HDAC9: variants seen among roughly 807,000 people sequenced by gnomAD.
HDAC9 encodes the protein histone deacetylase 9, also known as MEF-2 interacting transcription repressor (MITR) protein.
Under a neutral mutation model 139.4 loss-of-function variants are expected in HDAC9, and 41 were observed. The observed-to-expected ratio is 0.29, with a 90% CI of 0.23 to 0.38. The LOEUF (loss-of-function observed/expected upper bound fraction) is 0.38, where lower values mean the gene tolerates loss of function less well. Among genes scored for constraint, HDAC9 ranks in the 10% least tolerant of loss-of-function variants. The pLI is 1.00. For missense variants in HDAC9, 1,147 were observed against 1,297.0 expected, an observed-to-expected ratio of 0.88 and a Z score of 1.78; for synonymous variants, 517 against 476.2, an observed-to-expected ratio of 1.09 and a Z score of -1.12.
At chr7:18,294,119 G>A (rs1190424430) in intron 1 of HDAC9, among the ~76,000 whole-genome samples, 1 of 152,062 alleles carries the variant, frequency 6.6e-6, no homozygotes, top group African/African-American at 2.4e-5. Flanking sequence ...CACAGTTTGT[G>A]CCCTCAGAAA....
intron 1 of HDAC9, among the ~76,000 whole-genome samples, chr7:18,431,717 G>A (rs1023547934): frequency 2.0e-5 from 3 of 152,180 alleles, no homozygotes; most frequent in African/African-American, 7.2e-5. Flanking sequence ...ATTGATGAAT[G>A]AGGGACTTAT....
At chr7:18,263,590 G>T (rs1423121564) in intron 2 of HDAC9, among the ~76,000 whole-genome samples, 2 of 149,276 alleles carry the variant, frequency 1.3e-5, no homozygotes, top group Non-Finnish European at 3.0e-5. Context: ...TCAGAATCTT[G>T]CTTGGTAAGA....
chr7:18,962,934 G>A (rs549347173), intron 24 of HDAC9, among the ~76,000 whole-genome samples: 1 of 152,062 alleles, frequency 6.6e-6, no homozygotes, highest in South Asian at 2.1e-4. Flanking sequence ...TTTAATCCTG[G>A]TCTTACTGTG....
intron 12 of HDAC9, among the ~76,000 whole-genome samples, chr7:18,707,460 A>G (rs1784015819): frequency 6.6e-6 from 1 of 152,206 alleles, no homozygotes; most frequent in Non-Finnish European, 1.5e-5. Context: ...ACAGTCTAAT[A>G]AAAAGGTATG....
At chr7:18,216,573 A>G (rs1372067173) in intron 2 of HDAC9, among the ~76,000 whole-genome samples, 6 of 152,170 alleles carry the variant, frequency 3.9e-5, no homozygotes, top group South Asian at 2.1e-4. Flanking sequence ...AGATGACTGC[A>G]TGTTATTTAG....
At chr7:18,523,128 G>A (rs996967756) in intron 2 of HDAC9, among the ~76,000 whole-genome samples, 2 of 152,170 alleles carry the variant, frequency 1.3e-5, no homozygotes. Flanking sequence ...TGTTGCCATG[G>A]CTGGAGATGA....
intron 1 of HDAC9, among the ~76,000 whole-genome samples, chr7:18,383,729 A>C (rs939393051): frequency 1.3e-5 from 2 of 151,892 alleles, no homozygotes; most frequent in Non-Finnish European, 2.9e-5. Context: ...AAAAAAAAAA[A>C]AATACAAAAA....
chr7:18,883,567 G>A (rs372492896), intron 22 of HDAC9, among the ~76,000 whole-genome samples: 7 of 151,990 alleles, frequency 4.6e-5, no homozygotes, highest in Admixed American at 1.3e-4. Context: ...ATATGATAAG[G>A]CTATAAATAC....
chr7:18,095,043 C>G (rs1254959517), intron 1 of HDAC9, among the ~76,000 whole-genome samples: 1 of 152,074 alleles, frequency 6.6e-6, no homozygotes, highest in Non-Finnish European at 1.5e-5. Context: ...TGAGTTTCTG[C>G]CTCTTGCAAT....
intron 8 of HDAC9, among the ~76,000 whole-genome samples, chr7:18,642,190 G>C (rs1431329537): frequency 6.6e-6 from 1 of 152,066 alleles, no homozygotes; most frequent in Non-Finnish European, 1.5e-5. Flanking sequence ...AACCATCCTT[G>C]CTTCATCAAG....
intron 2 of HDAC9, among the ~76,000 whole-genome samples, chr7:18,183,390 G>C (rs1789658253): frequency 6.6e-6 from 1 of 152,158 alleles, no homozygotes; most frequent in Non-Finnish European, 1.5e-5. Flanking sequence ...TTTTCTACCT[G>C]TGCTTCAGAT....
At chr7:18,164,292 T>C (rs908731793) in intron 2 of HDAC9, among the ~76,000 whole-genome samples, 2 of 152,168 alleles carry the variant, frequency 1.3e-5, no homozygotes, top group Non-Finnish European at 2.9e-5. Flanking sequence ...AAAATGTTCC[T>C]GCCACAAACA....
chr7:18,234,690 C>T (rs558193579), intron 2 of HDAC9, among the ~76,000 whole-genome samples: 1 of 152,090 alleles, frequency 6.6e-6, no homozygotes, highest in Non-Finnish European at 1.5e-5. Flanking sequence ...TGTTTTTTGC[C>T]TAACATTTGC....
rs184077282 is a variant in HDAC9, at chr7:18,992,499, T to A, written c.3171-3524T>A. 5.5e-3 allele frequency among the ~76,000 whole-genome samples: 834 copies of A among 152,250 alleles called. 15 individuals carry two copies. The highest frequency in any genetic ancestry group is 3.0e-3 in the Non-Finnish European group (202 of 68,016). ...TGCAAACAAAATAATGTAACAGGCA[T>A]TGTATTGCTTGCCTTTCAGGAGGAA... On this transcript the variant is annotated intron_variant, in intron 25 of 25. Coordinates refer to ENST00000686413, the MANE Select transcript of HDAC9 (RefSeq NM_178425.4).
At chr7:18,110,301 T>G (rs1428300798) in intron 1 of HDAC9, among the ~76,000 whole-genome samples, 1 of 152,180 alleles carries the variant, frequency 6.6e-6, no homozygotes, top group Non-Finnish European at 1.5e-5. Flanking sequence ...AAAATAAATG[T>G]TCAAAAGTAA....
chr7:18,101,487 G>A (rs1456390230), intron 1 of HDAC9, among the ~76,000 whole-genome samples: 1 of 152,154 alleles, frequency 6.6e-6, no homozygotes, highest in Non-Finnish European at 1.5e-5. Context: ...CTCTTACTCA[G>A]TCTTCTTTGG....
intron 2 of HDAC9, among the ~76,000 whole-genome samples, chr7:18,273,194 G>A (rs1796501530): frequency 6.6e-6 from 1 of 150,602 alleles, no homozygotes. Context: ...AGCCTCCTGA[G>A]TAGCTAGGAC....
intron 2 of HDAC9, among the ~76,000 whole-genome samples, chr7:18,215,979 C>G (rs1792279071): frequency 1.3e-5 from 2 of 152,186 alleles, no homozygotes; most frequent in South Asian, 4.1e-4. Flanking sequence ...CATTTCTTCA[C>G]TATGGCTTCT....
intron 2 of HDAC9, among the ~76,000 whole-genome samples, chr7:18,172,282 G>C (rs543862563): frequency 5.9e-5 from 9 of 152,230 alleles, no homozygotes; most frequent in Middle Eastern, 3.4e-3. Flanking sequence ...ATTTCCGTGG[G>C]ATCGGTGGTG....
Sources: gnomAD v4.1 joint callset for allele counts (sites outside exome capture counted in the v4.1 genomes callset) on GRCh38, gnomAD v4.1.1 for gene constraint, MANE v1.5 for transcripts, NCBI Gene and HGNC (gene_info 2026-07-23, HGNC 2026-07-21) for gene names.